The following F13A1 variants were observed in gnomAD, a reference collection of about 807,000 sequenced individuals.
F13A1 encodes coagulation factor XIII A chain.
In F13A1, 47 loss-of-function variants were observed where a neutral mutation model predicts 80.1. That is an observed-to-expected ratio of 0.59 (90% CI 0.46 to 0.75). F13A1 has a LOEUF of 0.75. Among genes scored for constraint, F13A1 ranks in the 30% least tolerant of loss-of-function variants. F13A1 has a pLI of 0.00. For missense variants in F13A1, 817 were observed against 930.4 expected (o/e 0.88, Z 1.59); for synonymous variants, 349 against 344.9 (o/e 1.01, Z -0.13).
chr6:6,246,645 G>A (rs566902057), intron 6 of F13A1, among the ~76,000 whole-genome samples: 1 of 152,342 alleles, frequency 6.6e-6, no homozygotes, highest in South Asian at 2.1e-4. Flanking sequence ...TGCATTAGGA[G>A]TATGTGTGCT....
intron 3 of F13A1, among the ~76,000 whole-genome samples, chr6:6,269,590 T>TA (rs1221329117): frequency 1.3e-5 from 2 of 152,166 alleles, no homozygotes; most frequent in Non-Finnish European, 2.9e-5. Context: ...CATTCAATCA[T>TA]AATTTCTGAT....
chr6:6,272,314 C>G (rs761707009), intron 3 of F13A1, among the ~76,000 whole-genome samples: 8 of 152,194 alleles, frequency 5.3e-5, no homozygotes, highest in Non-Finnish European at 8.8e-5. Flanking sequence ...ATGGTATGGT[C>G]AGTATGGTTG....
At chr6:6,174,911 C>G in intron 11 of F13A1, 44 bp from the exon 12 acceptor site, 2 of 1,611,716 alleles carry the variant, frequency 1.2e-6, no homozygotes, top group Non-Finnish European at 1.7e-6. Flanking sequence ...ATACAATCCA[C>G]CAGAGAGAAA....
At chr6:6,234,461 C>T (rs768411081) in intron 6 of F13A1, among the ~76,000 whole-genome samples, 5 of 151,898 alleles carry the variant, frequency 3.3e-5, no homozygotes, top group Non-Finnish European at 5.9e-5. Context: ...ACAAAGAACC[C>T]AGGAACAGAG....
chr6:6,308,841 C>T (rs1276404412), intron 2 of F13A1, among the ~76,000 whole-genome samples: 1 of 150,972 alleles, frequency 6.6e-6, no homozygotes, highest in Non-Finnish European at 1.5e-5. Context: ...TCAGGCTGGT[C>T]TTGAACTCCT....
At chr6:6,294,923 T>G in intron 3 of F13A1, among the ~76,000 whole-genome samples, 1 of 121,324 alleles carries the variant, frequency 8.2e-6, no homozygotes, top group African/African-American at 3.1e-5. Flanking sequence ...GGCCCCAGAG[T>G]GTGATGTTCC....
chr6:6,227,093 C>A (rs545672661), intron 6 of F13A1, among the ~76,000 whole-genome samples: 1 of 151,820 alleles, frequency 6.6e-6, no homozygotes, highest in Non-Finnish European at 1.5e-5. Context: ...CAATACCGAA[C>A]GAAATAAAAA....
chr6:6,230,258 G>A lies in F13A1; in HGVS notation c.799-5398C>T, dbSNP rs185328849. 2.8e-4 allele frequency among the ~76,000 whole-genome samples: 42 copies of A among 152,172 alleles called. No individual in the cohort carries two copies. In the East Asian group the frequency reaches 6.4e-3, roughly 23 times the overall value. ...GACTTAGGGCTGTTGAGGGGGGCAC[G>A]GTGGGAGTGAGACTGGCCCTTTGGT... On this transcript the variant is annotated intron_variant, in intron 6 of 14. Transcript: ENST00000264870.
In F13A1 at chr6:6,248,303, G is replaced by C. The variant is rs1487137350; in HGVS notation, c.798+9C>G. ...TAACAGATTTTAGGTATCAGTAATT[G>C]CTGCTTACCATTGCAGACCCCACAC... is the stretch of plus-strand genomic sequence containing the variant. On this transcript the variant is annotated intron_variant, in intron 6 of 14. Transcript: ENST00000264870. 6.2e-7 allele frequency: 1 copy of C among 1,610,206 alleles called. No homozygotes were observed. Among genetic ancestry groups the C allele is most frequent in the Non-Finnish European group, 8.5e-7 (1 of 1,176,716 alleles).
In F13A1 at chr6:6,162,909, C is replaced by G. The variant is rs1024480812; in HGVS notation, c.1908+4549G>C. On this transcript the variant is annotated intron_variant, in intron 13 of 14. Coordinates refer to ENST00000264870, the MANE Select transcript of F13A1 (RefSeq NM_000129.4). The surrounding 1 kb of genome is among the most constrained non-coding windows in gnomAD (Gnocchi z 4.2). ...ACTGTGCTACAAGGCACTGCCTTCT[C>G]TGGTCCTCTCAGTTTTCTAATCAGT... Among the ~76,000 whole-genome samples, 3 of 152,220 alleles carry G rather than the reference C, an allele frequency of 2.0e-5. No homozygotes were observed. The highest frequency in any genetic ancestry group is 4.4e-5 in the Non-Finnish European group (3 of 68,042).
At chr6:6,317,083 C>T (rs554345000) in intron 2 of F13A1, among the ~76,000 whole-genome samples, 13 of 152,264 alleles carry the variant, frequency 8.5e-5, no homozygotes, top group South Asian at 4.2e-4. Context: ...ACCCCCTTTC[C>T]GGGGGCCCAG....
chr6:6,293,196 G>C (rs569320764), intron 3 of F13A1, among the ~76,000 whole-genome samples: 2 of 152,240 alleles, frequency 1.3e-5, no homozygotes, highest in African/African-American at 2.4e-5. Flanking sequence ...GGACCCTACT[G>C]TCACTTCGGA....
intron 11 of F13A1, among the ~76,000 whole-genome samples, chr6:6,175,618 T>C (rs1168838837): frequency 6.6e-6 from 1 of 152,180 alleles, no homozygotes; most frequent in African/African-American, 2.4e-5. Flanking sequence ...CCACCTTAAT[T>C]AGCAAATTAG....
At position 6,305,683 on chromosome 6, in the gene F13A1, AAC is replaced by A. The variant is rs375692100; in HGVS notation, c.131-146_131-145del. 395 of 748,198 alleles carry A rather than the reference AAC, an allele frequency of 5.3e-4. 1 individual carries two copies. In the African/African-American group the frequency reaches 6.1e-3, roughly 11 times the overall value. The allele number at this position is 748,198 out of a possible 1,614,324, so 46.3% of individuals were successfully genotyped here. ...ACTCTGTAGGAGGCAGGGGTAGGGG[AAC>A]ACAGTCTCGAGAGTCAGCCTCTTGT... On this transcript the variant is annotated intron_variant, in intron 2 of 14. Coordinates refer to ENST00000264870, the MANE Select transcript of F13A1 (RefSeq NM_000129.4).
intron 11 of F13A1, among the ~76,000 whole-genome samples, chr6:6,179,407 T>A (rs1339556464): frequency 6.6e-6 from 1 of 152,258 alleles, no homozygotes; most frequent in Non-Finnish European, 1.5e-5. Context: ...ATAATTTGTT[T>A]CCTGTGATTC....
intron 6 of F13A1, among the ~76,000 whole-genome samples, chr6:6,229,753 C>T (rs1435088401): frequency 1.3e-5 from 2 of 152,086 alleles, no homozygotes; most frequent in Non-Finnish European, 2.9e-5. Flanking sequence ...CCCGAGAGAC[C>T]CCCCCAAATA....
At chr6:6,285,514 C>T (rs540529034) in intron 3 of F13A1, among the ~76,000 whole-genome samples, 37 of 152,348 alleles carry the variant, frequency 2.4e-4, no homozygotes, top group Non-Finnish European at 5.0e-4. Flanking sequence ...GCACATTTAG[C>T]ACATCCAGCC....
rs904462832 is a variant in F13A1 at position 6,145,400 on chromosome 6, T to C, written c.*219A>G. On this transcript the variant is annotated 3_prime_UTR_variant, in exon 15 of 15. Coordinates refer to ENST00000264870, the MANE Select transcript of F13A1 (RefSeq NM_000129.4). ...AATTAAAGCTAATGCTTAGCACTCT[T>C]TGGAAGGTGGAGAGATTAAAAACTA... 5 of 605,408 alleles carry C rather than the reference T, an allele frequency of 8.3e-6. No individual in the cohort carries two copies. The African/African-American group carries it at 9.2e-5, about 11-fold the overall frequency. 37.5% of individuals were successfully genotyped at this position (605,408 alleles called of 1,614,324 possible). A position where few individuals can be genotyped will look rare whatever the true frequency, so the allele number is the denominator to read the frequency against.
At position 6,145,981 on chromosome 6, in the gene F13A1, T is replaced by C. The variant is rs949084419; in HGVS notation, c.2046-209A>G. 2.0e-5 allele frequency among the ~76,000 whole-genome samples: 3 copies of C among 152,154 alleles called. No homozygotes were observed. The East Asian group carries it at 5.8e-4, about 29-fold the overall frequency. ...GCAGAACCTGTCACTGACAGTCTTA[T>C]TGGGTCATGGTTCCTTCCACTGGGA... On this transcript the variant is annotated intron_variant, in intron 14 of 14. Transcript: ENST00000264870.
Sources: gnomAD v4.1 joint callset for allele counts (sites outside exome capture counted in the v4.1 genomes callset) on GRCh38, gnomAD v4.1.1 for gene constraint, Gnocchi (gnomAD v3.1) non-coding constraint, MANE v1.5 for transcripts, NCBI Gene and HGNC (gene_info 2026-07-23, HGNC 2026-07-21) for gene names.